TSPAN18: variants seen among roughly 807,000 people sequenced by gnomAD.
The protein encoded by TSPAN18 is tetraspanin-18.
A neutral mutation model predicts 27.3 loss-of-function variants in TSPAN18; 14 were observed. That is an observed-to-expected ratio of 0.51 (90% confidence interval 0.34 to 0.80). The LOEUF (loss-of-function observed/expected upper bound fraction) is 0.80. Ranked by LOEUF, TSPAN18 falls within the 30% of genes least tolerant of loss-of-function variation. The pLI, the probability that TSPAN18 is intolerant of heterozygous loss-of-function variation, is 0.01. For missense variants in TSPAN18, 268 were observed against 323.9 expected (o/e 0.83, Z 1.32); for synonymous variants, 143 against 136.5 (o/e 1.05, Z -0.33).
chr11:44,788,213 G>A (rs935144647), intron 2 of TSPAN18, among the ~76,000 whole-genome samples: 4 of 152,172 alleles, frequency 2.6e-5, no homozygotes, highest in African/African-American at 9.7e-5. Flanking sequence ...CCAGATGGGC[G>A]GGATTGGTCA....
chr11:44,890,068 G>T (rs150822535), intron 3 of TSPAN18, among the ~76,000 whole-genome samples: 1 of 152,318 alleles, frequency 6.6e-6, no homozygotes, highest in Non-Finnish European at 1.5e-5. Context: ...CTGTGCACAT[G>T]GTCCCATTTG....
At chr11:44,741,567 G>A (rs1242384481) in intron 1 of TSPAN18, among the ~76,000 whole-genome samples, 3 of 152,082 alleles carry the variant, frequency 2.0e-5, no homozygotes, top group African/African-American at 4.8e-5. Flanking sequence ...GAGTTCGTGC[G>A]TGTCTGCTGG....
intron 3 of TSPAN18, among the ~76,000 whole-genome samples, chr11:44,882,585 GAGACACACACAC>G (rs1463392310): frequency 1.1e-5 from 1 of 92,490 alleles, no homozygotes; most frequent in Non-Finnish European, 2.4e-5. Flanking sequence ...GTCAGAGAGA[GAGACACACACAC>G]ACACACACAC....
chr11:44,800,006 G>GTTTTTTTTTTTTTTTTTTT (rs60067559), intron 2 of TSPAN18, among the ~76,000 whole-genome samples: 2 of 109,398 alleles, frequency 1.8e-5, no homozygotes, highest in African/African-American at 3.6e-5. Flanking sequence ...AATTTTTTGT[G>GTTTTTTTTTTTTTTTTTTT]TTTTTTTTTT....
intron 3 of TSPAN18, among the ~76,000 whole-genome samples, chr11:44,896,192 G>GGCAGGCTCGTACT (rs1590647539): frequency 6.6e-6 from 1 of 152,120 alleles, no homozygotes; most frequent in Admixed American, 6.5e-5. Flanking sequence ...ACTGACCCCA[G>GGCAGGCTCGTACT]TGAACCTGTG....
intron 4 of TSPAN18, among the ~76,000 whole-genome samples, chr11:44,908,831 A>AGGAAGGAAGGAAAGAAAGAAAG (rs1590671451): frequency 1.0e-5 from 1 of 96,160 alleles, no homozygotes; most frequent in African/African-American, 4.2e-5. Flanking sequence ...AAGAAAGAAA[A>AGGAAGGAAGGAAAGAAAGAAAG]AGAAAAATGG....
chr11:44,867,416 T>TTC (rs1283376825), intron 3 of TSPAN18, among the ~76,000 whole-genome samples: 3 of 116,150 alleles, frequency 2.6e-5, no homozygotes, highest in Admixed American at 9.6e-5. Context: ...TTTTTTTTTT[T>TTC]CAGACAGAGT....
intron 1 of TSPAN18, among the ~76,000 whole-genome samples, chr11:44,748,310 A>AT (rs60356622): frequency 0.054 from 8,217 of 151,970 alleles, 300 homozygotes; most frequent in African/African-American, 0.098. Flanking sequence ...AGGCACAAGA[A>AT]TTTCCTGAAC....
At position 44,929,131 on chromosome 11, in the gene TSPAN18, C is replaced by CT. The variant is rs1263902629; in HGVS notation, c.704dup (p.Ala236ArgfsTer19). 6.2e-7 allele frequency: 1 copy of CT among 1,613,330 alleles called. No homozygotes were observed. Among genetic ancestry groups the CT allele is most frequent in the Admixed American group, 1.7e-5 (1 of 60,020 alleles). On this transcript the variant is annotated frameshift_variant and splice_region_variant, in exon 10 of 10. Coordinates refer to ENST00000520358, the MANE Select transcript of TSPAN18 (RefSeq NM_130783.5). LOFTEE classifies it high-confidence loss of function. ...TCCTGCTCTTTTTCTTTTTTTGCAG[C>CT]TTTTCGCCATGATCTTTGCCATGTG...
chr11:44,923,704 G>T (rs1860233254), intron 8 of TSPAN18, among the ~76,000 whole-genome samples: 1 of 152,148 alleles, frequency 6.6e-6, no homozygotes, highest in Non-Finnish European at 1.5e-5. Context: ...GTAAAATGCA[G>T]GTAAGACCCC....
At chr11:44,798,211 A>T (rs1856394907) in intron 2 of TSPAN18, among the ~76,000 whole-genome samples, 1 of 152,172 alleles carries the variant, frequency 6.6e-6, no homozygotes, top group South Asian at 2.1e-4. Flanking sequence ...ATTATTCTGA[A>T]GATGGTACCA....
chr11:44,729,213 TG>T (rs1854592938), intron 1 of TSPAN18, among the ~76,000 whole-genome samples: 1 of 152,204 alleles, frequency 6.6e-6, no homozygotes, highest in Non-Finnish European at 1.5e-5. Flanking sequence ...AAGCCTGCTG[TG>T]TCTGGATAGG....
intron 2 of TSPAN18, among the ~76,000 whole-genome samples, chr11:44,774,466 A>G (rs1855758961): frequency 6.6e-6 from 1 of 152,224 alleles, no homozygotes; most frequent in Non-Finnish European, 1.5e-5. Flanking sequence ...GATAGCATCC[A>G]GGCTCCTGAC....
Position 44,929,164 on chromosome 11 carries a change from C to T in TSPAN18, c.733C>T (p.Arg245Trp), listed in dbSNP as rs755066279. The change falls in exon 10 of 10, where the codon CGG becomes TGG. Residue 245 changes from arginine to tryptophan, a missense_variant. Arg to Trp is a moderately radical substitution (Grantham distance 101). Transcript: ENST00000520358. Reference protein sequence around the residue: ...FAMIFAMCLFRGIQ With the variant: ...FAMIFAMCLFWGIQ ...CATGATCTTTGCCATGTGCCTCTTC[C>T]GGGGCATCCAGTAGAGGGTATGGCC... 25 of 1,613,438 alleles carry T rather than the reference C, an allele frequency of 1.5e-5. No individual in the cohort carries two copies. The highest frequency in any genetic ancestry group is 2.2e-5 in the East Asian group (1 of 44,884).
intron 2 of TSPAN18, among the ~76,000 whole-genome samples, chr11:44,815,550 G>A (rs935512625): frequency 2.6e-5 from 4 of 152,178 alleles, no homozygotes; most frequent in Non-Finnish European, 5.9e-5. Context: ...GAGGGCTGAT[G>A]GGATTTGGTT....
At chr11:44,871,906 G>A (rs1441728135) in intron 3 of TSPAN18, among the ~76,000 whole-genome samples, 3 of 152,268 alleles carry the variant, frequency 2.0e-5, no homozygotes, top group East Asian at 3.9e-4. Context: ...CAAAGCAAGA[G>A]AGGGAGCTCT....
chr11:44,895,425 A>G (rs1273752255), intron 3 of TSPAN18, among the ~76,000 whole-genome samples: 1 of 152,224 alleles, frequency 6.6e-6, no homozygotes, highest in Non-Finnish European at 1.5e-5. Flanking sequence ...GACTTTCCCA[A>G]GGTCTCCAGG....
At chr11:44,848,583 T>C (rs1304689549) in intron 2 of TSPAN18, among the ~76,000 whole-genome samples, 3 of 151,494 alleles carry the variant, frequency 2.0e-5, no homozygotes, top group African/African-American at 7.3e-5. Flanking sequence ...TAACAGGAAT[T>C]GGGAGTGAGG....
At chr11:44,852,714 G>C (rs1857635415) in intron 2 of TSPAN18, among the ~76,000 whole-genome samples, 1 of 152,142 alleles carries the variant, frequency 6.6e-6, no homozygotes, top group Non-Finnish European at 1.5e-5. Flanking sequence ...TGCATCTGAG[G>C]GTCCTTATAT....
Sources: allele counts gnomAD v4.1 joint callset (sites outside exome capture counted in the v4.1 genomes callset), GRCh38; gene constraint gnomAD v4.1.1; transcripts MANE v1.5; gene names NCBI Gene and HGNC (gene_info 2026-07-23, HGNC 2026-07-21).